Variants in CD80 observed in about 807,000 individuals in gnomAD.
CD80 encodes the protein T-lymphocyte activation antigen CD80.
CD80 carries 13 observed loss-of-function variants against 27.1 expected under a neutral mutation model. That is an observed-to-expected ratio of 0.48 (90% CI 0.31 to 0.76). The LOEUF is 0.76. Among genes scored for constraint, CD80 ranks in the 30% least tolerant of loss-of-function variants. The pLI is 0.04. For missense variants in CD80, 277 were observed against 347.9 expected (o/e 0.80, Z 1.62); for synonymous variants, 125 against 125.5 (o/e 1.00, Z 0.03).
chr3:119,542,226 A>G (rs1007148529), intron 3 of CD80, among the ~76,000 whole-genome samples: 1 of 151,836 alleles, frequency 6.6e-6, no homozygotes, highest in Admixed American at 6.6e-5. Context: ...TCACATCACC[A>G]TATAATAATT....
rs531877808 is a variant in CD80, at chr3:119,525,072, G to C, written c.*716C>G. 3 of 152,212 alleles carry C rather than the reference G, an allele frequency of 2.0e-5. No homozygotes were observed. Among genetic ancestry groups the C allele is most frequent in the Middle Eastern group, 3.4e-3 (1 of 294 alleles). The allele number at this position is 152,212 out of a possible 1,614,324, so 9.4% of individuals were successfully genotyped here. Reference sequence around the variant, plus strand: ...TTTCCTCCTTGACTACTGCTTTGACGTACCTAAATCATTCGTCTTACATGT... The same window carrying C: ...TTTCCTCCTTGACTACTGCTTTGACCTACCTAAATCATTCGTCTTACATGT... On this transcript the variant is annotated 3_prime_UTR_variant, in exon 7 of 7. Coordinates refer to ENST00000264246, the MANE Select transcript of CD80 (RefSeq NM_005191.4).
intron 2 of CD80, among the ~76,000 whole-genome samples, chr3:119,551,993 G>A (rs2082234885): frequency 6.6e-6 from 1 of 152,240 alleles, no homozygotes; most frequent in Admixed American, 6.5e-5. Flanking sequence ...GGACGGCAAC[G>A]CTGCTCGCCT....
At chr3:119,535,921 A>G (rs1489246967) in intron 4 of CD80, among the ~76,000 whole-genome samples, 1 of 152,192 alleles carries the variant, frequency 6.6e-6, no homozygotes, top group African/African-American at 2.4e-5. Flanking sequence ...TTGATGGATA[A>G]TGGTTTTTAG....
In CD80 at chr3:119,543,847, G is replaced by A. The variant is rs73189809; in HGVS notation, c.418+703C>T. Among the ~76,000 whole-genome samples, 1,156 of 150,166 alleles carry A rather than the reference G, an allele frequency of 7.7e-3. 6 individuals are homozygous for A. Among genetic ancestry groups the A allele is most frequent in the Non-Finnish European group, 0.012 (780 of 67,738 alleles). On this transcript the variant is annotated intron_variant, in intron 3 of 6. Coordinates refer to ENST00000264246, the MANE Select transcript of CD80 (RefSeq NM_005191.4). ...TAGTAAGATAGCCATAGTAATAGAC[G>A]TTCACATACTACCTGAAAAAGATTT...
intron 3 of CD80, chr3:119,544,279 G>A (rs1269540803): frequency 2.2e-6 from 1 of 452,812 alleles, no homozygotes; most frequent in Non-Finnish European, 4.0e-6. Context: ...ATGCCCCTTG[G>A]TGATTGAGAG....
chr3:119,552,188 G>T (rs1254000176), intron 2 of CD80, among the ~76,000 whole-genome samples: 1 of 152,138 alleles, frequency 6.6e-6, no homozygotes, highest in Non-Finnish European at 1.5e-5. Flanking sequence ...AAGAATTTTA[G>T]ACAAATAATG....
At chr3:119,552,975 G>C (rs2082242502) in intron 2 of CD80, among the ~76,000 whole-genome samples, 1 of 151,984 alleles carries the variant, frequency 6.6e-6, no homozygotes, top group Non-Finnish European at 1.5e-5. Context: ...AGGAGTAGCT[G>C]CAAATAGGCG....
At chr3:119,556,553 C>T (rs2082266002) in intron 2 of CD80, among the ~76,000 whole-genome samples, 1 of 152,166 alleles carries the variant, frequency 6.6e-6, no homozygotes, top group South Asian at 2.1e-4. Context: ...AAATGTAGGC[C>T]ATGTTTCTCT....
At chr3:119,545,275 C>T (rs182659117) in intron 2 of CD80, among the ~76,000 whole-genome samples, 146 of 152,130 alleles carry the variant, frequency 9.6e-4, no homozygotes, top group Admixed American at 2.5e-3. Context: ...ACCCAGGAGG[C>T]GGAGGTTGCA....
chr3:119,535,378 C>G (rs1013133480), intron 4 of CD80, among the ~76,000 whole-genome samples: 1 of 152,226 alleles, frequency 6.6e-6, no homozygotes, highest in African/African-American at 2.4e-5. Flanking sequence ...TTATCAAACT[C>G]AGTGTTTTGT....
intron 3 of CD80, among the ~76,000 whole-genome samples, chr3:119,538,007 C>G (rs1202786664): frequency 1.3e-5 from 2 of 152,102 alleles, no homozygotes; most frequent in Admixed American, 6.6e-5. Context: ...AGAGTACTTG[C>G]AATTGTAAGA....
intron 4 of CD80, among the ~76,000 whole-genome samples, chr3:119,532,841 G>A (rs1221559559): frequency 6.6e-6 from 1 of 152,124 alleles, no homozygotes; most frequent in Non-Finnish European, 1.5e-5. Context: ...CTTTGCCTCA[G>A]GTTTCCTAGG....
At chr3:119,557,177 C>G (rs1201571972) in intron 2 of CD80, among the ~76,000 whole-genome samples, 1 of 152,206 alleles carries the variant, frequency 6.6e-6, no homozygotes, top group East Asian at 1.9e-4. Flanking sequence ...TTGTCCTCAA[C>G]TACTCTCCCG....
chr3:119,533,383 G>A (rs762205808), intron 4 of CD80, among the ~76,000 whole-genome samples: 2 of 148,790 alleles, frequency 1.3e-5, no homozygotes, highest in Admixed American at 1.4e-4. Context: ...AATCATATGC[G>A]CAATCCGCTT....
intron 3 of CD80, among the ~76,000 whole-genome samples, chr3:119,542,097 A>G (rs6804441): frequency 0.17 from 21,272 of 122,986 alleles, 1,788 homozygotes; most frequent in East Asian, 0.37. Context: ...TTTCATTTTA[A>G]CAGGGATCTT....
chr3:119,528,899 G>T (rs556161312), intron 5 of CD80, among the ~76,000 whole-genome samples: 3 of 144,740 alleles, frequency 2.1e-5, no homozygotes, highest in Admixed American at 2.1e-4. Flanking sequence ...ACTCCAGCCT[G>T]GGTGGCAGAG....
At position 119,544,560 on chromosome 3, in the gene CD80, T is replaced by C. The variant is rs2082189145; in HGVS notation, c.408A>G (p.Leu136=). The change falls in exon 3 of 7, where the codon TTA becomes TTG. Residue 136 remains leucine, a synonymous_variant. Coordinates refer to ENST00000264246, the MANE Select transcript of CD80 (RefSeq NM_005191.4). ...FKREHLAEVT[L]SVKADFPTPS... ...GAAAATCCCACCAACCTTTGACTGA[T>C]AACGTCACTTCAGCCAGGTGTTCCC... 1.2e-6 allele frequency: 2 copies of C among 1,613,548 alleles called. No individual in the cohort carries two copies. Among genetic ancestry groups the C allele is most frequent in the Non-Finnish European group, 8.5e-7 (1 of 1,179,458 alleles).
intron 4 of CD80, among the ~76,000 whole-genome samples, chr3:119,531,347 G>C (rs547104338): frequency 4.5e-4 from 69 of 152,338 alleles, no homozygotes; most frequent in African/African-American, 1.5e-3. Flanking sequence ...TGGATTTCTT[G>C]TAGGCCTGTG....
intron 4 of CD80, among the ~76,000 whole-genome samples, chr3:119,531,394 G>A (rs532768101): frequency 7.9e-5 from 12 of 152,328 alleles, no homozygotes; most frequent in Admixed American, 5.2e-4. Flanking sequence ...CCAGCCTCTC[G>A]CCATGTTAAG....
Sources: allele counts gnomAD v4.1 joint callset (sites outside exome capture counted in the v4.1 genomes callset), GRCh38; gene constraint gnomAD v4.1.1; transcripts MANE v1.5; gene names NCBI Gene and HGNC (gene_info 2026-07-23, HGNC 2026-07-21).